The following RBFOX1 variants were observed in gnomAD, a reference collection of about 807,000 sequenced individuals.
The protein encoded by RBFOX1 is RNA binding fox-1 homolog 1.
In RBFOX1, 8 loss-of-function variants were observed where a neutral mutation model predicts 57.7. The observed-to-expected ratio is 0.14, with a 90% CI of 0.08 to 0.25. The LOEUF (loss-of-function observed/expected upper bound fraction) is 0.25, where lower values mean the gene tolerates loss of function less well. Among genes scored for constraint, RBFOX1 ranks in the 10% least tolerant of loss-of-function variants. RBFOX1 has a pLI of 1.00. For missense variants in RBFOX1, 611 were observed against 548.5 expected (o/e 1.11, Z -1.14); for synonymous variants, 326 against 222.4 (o/e 1.47, Z -4.15).
chr16:7,312,550 TC>T (rs1309072961), intron 4 of RBFOX1, among the ~76,000 whole-genome samples: 2 of 152,202 alleles, frequency 1.3e-5, no homozygotes, highest in Admixed American at 6.5e-5. Flanking sequence ...TGGGTGTCAC[TC>T]CGGGTCTTCT....
chr16:6,502,459 G>C (rs147396766), intron 2 of RBFOX1, among the ~76,000 whole-genome samples: 128 of 152,238 alleles, frequency 8.4e-4, no homozygotes, highest in Non-Finnish European at 1.5e-3. Flanking sequence ...GTCTCAGTTT[G>C]CTCATCTGTA....
intron 3 of RBFOX1, among the ~76,000 whole-genome samples, chr16:5,739,518 G>T (rs925882817): frequency 7.9e-5 from 12 of 152,174 alleles, no homozygotes; most frequent in Admixed American, 4.6e-4. Context: ...TGTGCATGGG[G>T]TCATTTGCAA....
chr16:6,864,590 G>C (rs1377357716), intron 3 of RBFOX1, among the ~76,000 whole-genome samples: 2 of 149,414 alleles, frequency 1.3e-5, no homozygotes, highest in African/African-American at 5.0e-5. Flanking sequence ...ATCAAAACAG[G>C]CTGGATGTGT....
At chr16:6,331,764 C>G (rs887742535) in intron 2 of RBFOX1, among the ~76,000 whole-genome samples, 2 of 107,892 alleles carry the variant, frequency 1.9e-5, no homozygotes, top group Non-Finnish European at 3.9e-5. Context: ...TTTGTTTCAC[C>G]TTTTTTTAAA....
chr16:6,540,763 C>T (rs187864024), intron 2 of RBFOX1, among the ~76,000 whole-genome samples: 6 of 152,080 alleles, frequency 3.9e-5, no homozygotes, highest in South Asian at 2.1e-4. Flanking sequence ...CCTAATTATT[C>T]ACTTAAAGTA....
At chr16:7,290,621 C>G (rs778098812) in intron 4 of RBFOX1, among the ~76,000 whole-genome samples, 76 of 152,292 alleles carry the variant, frequency 5.0e-4, no homozygotes, top group Non-Finnish European at 9.1e-4. Context: ...TGCTCATTCA[C>G]TCAACTAATA....
At chr16:5,299,366 T>G (rs546756420) in intron 1 of RBFOX1, among the ~76,000 whole-genome samples, 105 of 152,194 alleles carry the variant, frequency 6.9e-4, no homozygotes, top group Non-Finnish European at 1.3e-3. Context: ...TGTTTCCAGT[T>G]TTGCTTATTA....
At chr16:5,766,294 A>G (rs2053775320) in intron 3 of RBFOX1, among the ~76,000 whole-genome samples, 1 of 152,176 alleles carries the variant, frequency 6.6e-6, no homozygotes, top group Non-Finnish European at 1.5e-5. Context: ...GCACTTTAAA[A>G]TACAGATCTG....
intron 4 of RBFOX1, chr16:7,422,970 T>C (rs2098556780): frequency 6.6e-6 from 1 of 152,408 alleles, no homozygotes; most frequent in East Asian, 1.9e-4. Context: ...AGATATCCAC[T>C]AGTCCTTTAC....
At chr16:6,305,534 C>T (rs373483684) in intron 1 of RBFOX1, among the ~76,000 whole-genome samples, 30 of 151,862 alleles carry the variant, frequency 2.0e-4, no homozygotes, top group African/African-American at 6.8e-4. Flanking sequence ...TCATTTAAAT[C>T]GCAATAATTT....
At chr16:6,709,336 G>T (rs1421780207) in intron 3 of RBFOX1, among the ~76,000 whole-genome samples, 1 of 152,002 alleles carries the variant, frequency 6.6e-6, no homozygotes, top group African/African-American at 2.4e-5. Flanking sequence ...TAATTAAAGG[G>T]TTTCATTTTG....
At chr16:7,453,843 T>A (rs936997378) in intron 4 of RBFOX1, among the ~76,000 whole-genome samples, 1 of 152,028 alleles carries the variant, frequency 6.6e-6, no homozygotes. Context: ...ATTCCTAGAG[T>A]TCATGTCCTC....
rs141616912 is a variant in RBFOX1 at position 5,507,333 on chromosome 16, G to A, written c.258+40079G>A. 9.6e-3 allele frequency among the ~76,000 whole-genome samples: 1,463 copies of A among 152,222 alleles called. 12 individuals carry two copies. Among genetic ancestry groups the A allele is most frequent in the Admixed American group, 0.013 (198 of 15,282 alleles). On this transcript the variant is annotated intron_variant, in intron 2 of 2. Coordinates refer to the RBFOX1 transcript ENST00000585867. ...ATTTTCTCTCACTGCTCCCCAAGCA[G>A]AATGCAAGCTCCATGCGAGGAGGGA...
At chr16:7,211,107 C>G (rs1603236253) in intron 4 of RBFOX1, among the ~76,000 whole-genome samples, 1 of 146,044 alleles carries the variant, frequency 6.8e-6, no homozygotes, top group Non-Finnish European at 1.5e-5. Flanking sequence ...AAAAAGGACT[C>G]TGGGCCGGGT....
chr16:6,979,607 C>A (rs1039766732), intron 3 of RBFOX1, among the ~76,000 whole-genome samples: 1 of 152,162 alleles, frequency 6.6e-6, no homozygotes, highest in Admixed American at 6.5e-5. Context: ...GTGACTCTTT[C>A]ATTCACAGTT....
At chr16:5,349,351 C>A (rs2065211107) in intron 1 of RBFOX1, among the ~76,000 whole-genome samples, 1 of 151,996 alleles carries the variant, frequency 6.6e-6, no homozygotes, top group African/African-American at 2.4e-5. Context: ...CAACATTTTC[C>A]CATAGTTAAC....
intron 6 of RBFOX1, among the ~76,000 whole-genome samples, chr16:7,581,521 G>A (rs2093760147): frequency 6.6e-6 from 1 of 152,090 alleles, no homozygotes; most frequent in African/African-American, 2.4e-5. Flanking sequence ...CTCTTTCATG[G>A]TGTCACTCAG....
chr16:6,888,489 A>C (rs990199678), intron 3 of RBFOX1, among the ~76,000 whole-genome samples: 3 of 152,096 alleles, frequency 2.0e-5, no homozygotes, highest in Non-Finnish European at 4.4e-5. Flanking sequence ...GGGGAAATTA[A>C]ATTCCCTTGC....
At chr16:6,748,706 T>C (rs1229090694) in intron 3 of RBFOX1, among the ~76,000 whole-genome samples, 1 of 152,186 alleles carries the variant, frequency 6.6e-6, no homozygotes, top group African/African-American at 2.4e-5. Flanking sequence ...GAACTTGTTA[T>C]GCATGTATGA....
Sources: allele counts gnomAD v4.1 joint callset (sites outside exome capture counted in the v4.1 genomes callset), GRCh38; gene constraint gnomAD v4.1.1; transcripts MANE v1.5; gene names NCBI Gene and HGNC (gene_info 2026-07-23, HGNC 2026-07-21).